The following CLASP2 variants were observed in gnomAD, a reference collection of about 807,000 sequenced individuals.
The protein encoded by CLASP2 is cytoplasmic linker associated protein 2.
Under a neutral mutation model 194.4 loss-of-function variants are expected in CLASP2, and 47 were observed. The ratio of observed to expected loss-of-function variants is 0.24; its 90% CI spans 0.19 to 0.31. The LOEUF is 0.31. Among genes scored for constraint, CLASP2 ranks in the 10% least tolerant of loss-of-function variants. The pLI is 1.00. For missense variants in CLASP2, 1,445 were observed against 1,823.6 expected (o/e 0.79, Z 3.78); for synonymous variants, 619 against 633.5 (o/e 0.98, Z 0.34).
chr3:33,713,012 C>CAGAAAAAAAAA (rs1559717375), intron 1 of CLASP2, among the ~76,000 whole-genome samples: 16 of 47,006 alleles, frequency 3.4e-4, no homozygotes, highest in Admixed American at 9.2e-4. Context: ...AACTCCACCT[C>CAGAAAAAAAAA]AAAAAAAAAA....
At chr3:33,555,761 T>A (rs1466168748) in intron 29 of CLASP2, among the ~76,000 whole-genome samples, 1 of 152,196 alleles carries the variant, frequency 6.6e-6, no homozygotes. Flanking sequence ...ATCAATGTAT[T>A]TTGTTTATAA....
intron 6 of CLASP2, among the ~76,000 whole-genome samples, chr3:33,676,502 GGA>G (rs1318510118): frequency 6.6e-6 from 1 of 150,648 alleles, no homozygotes; most frequent in Non-Finnish European, 1.5e-5. Flanking sequence ...CTAGCCATAT[GGA>G]GAAAGCTGAA....
intron 19 of CLASP2, 149 bp from the exon 20 acceptor site, chr3:33,595,117 G>A (rs2069900569): frequency 2.4e-6 from 1 of 418,766 alleles, no homozygotes; most frequent in South Asian, 1.1e-4. Flanking sequence ...ACTGCGGGAA[G>A]GTTCATTTTG....
intron 26 of CLASP2, among the ~76,000 whole-genome samples, chr3:33,569,473 C>T (rs978403190): frequency 2.6e-5 from 4 of 152,132 alleles, no homozygotes; most frequent in Admixed American, 2.0e-4. Flanking sequence ...AAATAACTGT[C>T]TTGTCCTTTG....
intron 29 of CLASP2, among the ~76,000 whole-genome samples, chr3:33,553,376 C>T (rs1020357009): frequency 6.6e-6 from 1 of 151,992 alleles, no homozygotes; most frequent in Non-Finnish European, 1.5e-5. Flanking sequence ...AAAGCTTCTG[C>T]ATAGCAAAGG....
At chr3:33,670,545 C>A (rs541507384) in intron 6 of CLASP2, among the ~76,000 whole-genome samples, 34 of 152,286 alleles carry the variant, frequency 2.2e-4, no homozygotes, top group Middle Eastern at 3.4e-3. Flanking sequence ...ACAAAATCAA[C>A]AACTCTTCTT....
chr3:33,584,136 C>T (rs1033575357), intron 22 of CLASP2, among the ~76,000 whole-genome samples: 21 of 151,984 alleles, frequency 1.4e-4, no homozygotes, highest in Admixed American at 1.2e-3. Context: ...AACTATAACA[C>T]GAATGTCAAA....
At chr3:33,678,628 G>C (rs986586796) in intron 6 of CLASP2, among the ~76,000 whole-genome samples, 4 of 152,128 alleles carry the variant, frequency 2.6e-5, no homozygotes, top group Non-Finnish European at 5.9e-5. Flanking sequence ...AGTAGTGCAA[G>C]AAATGTTAAA....
chr3:33,646,069 T>C lies in CLASP2; in HGVS notation c.716-1166A>G, dbSNP rs549361493. Among the ~76,000 whole-genome samples, 5 of 152,136 alleles carry C rather than the reference T, an allele frequency of 3.3e-5. No individual in the cohort carries two copies. In the South Asian group the frequency reaches 1.0e-3, roughly 32 times the overall value. On this transcript the variant is annotated intron_variant, in intron 7 of 38. Coordinates refer to ENST00000682230, the MANE Select transcript of CLASP2 (RefSeq NM_001365631.1). ...AACATGGGCGAGGCAGAGAAGCAGCTTTACCACACGCTTCAGATGAATATG... is the reference window on the plus strand; with the variant it reads ...AACATGGGCGAGGCAGAGAAGCAGCCTTACCACACGCTTCAGATGAATATG...
At chr3:33,694,654 T>C (rs1303844499) in intron 2 of CLASP2, among the ~76,000 whole-genome samples, 2 of 152,192 alleles carry the variant, frequency 1.3e-5, no homozygotes, top group Admixed American at 1.3e-4. Context: ...GATCATCACC[T>C]AGACACAGGA....
chr3:33,629,766 A>G (rs1405764205), intron 9 of CLASP2, among the ~76,000 whole-genome samples: 1 of 151,838 alleles, frequency 6.6e-6, no homozygotes, highest in Non-Finnish European at 1.5e-5. Context: ...TGAGTATTAA[A>G]AAAAAATCAT....
rs1386997420 is a variant in CLASP2 at position 33,612,012 on chromosome 3, A to T, written c.1377T>A (p.Val459=). ...LITSNCTSKS[V]PVRRRSFEFL... ...AAAATTAAACTTACCTCCTCACGGG[A>T]ACTGATTTTGATGTGCAATTGCTTG... Residue 459 remains valine, a synonymous_variant, in exon 13 of 39, where the codon GTT becomes GTA. Coordinates refer to ENST00000682230, the MANE Select transcript of CLASP2 (RefSeq NM_001365631.1). 20 of 1,607,508 alleles carry T rather than the reference A, an allele frequency of 1.2e-5. No individual in the cohort carries two copies. Among genetic ancestry groups the T allele is most frequent in the Non-Finnish European group, 1.6e-5 (19 of 1,175,494 alleles).
intron 26 of CLASP2, 55 bp downstream of exon 26, chr3:33,570,672 A>G (rs756676346): frequency 1.3e-6 from 2 of 1,566,220 alleles, no homozygotes; most frequent in Non-Finnish European, 1.7e-6. Context: ...TTCTGCTTTG[A>G]CAATATACAA....
chr3:33,612,180 G>T, intron 12 of CLASP2, 109 bp from the exon 13 acceptor site: 1 of 665,100 alleles, frequency 1.5e-6, no homozygotes, highest in Non-Finnish European at 2.6e-6. Flanking sequence ...AGGACAAAAA[G>T]ACCAGATATT....
intron 31 of CLASP2, among the ~76,000 whole-genome samples, chr3:33,544,440 C>A (rs533037181): frequency 6.6e-6 from 1 of 152,106 alleles, no homozygotes; most frequent in African/African-American, 2.4e-5. Flanking sequence ...GTTTTGCTCA[C>A]GTTTTGCTTT....
chr3:33,712,002 C>T (rs1306229180), intron 1 of CLASP2, among the ~76,000 whole-genome samples: 2 of 152,158 alleles, frequency 1.3e-5, no homozygotes, highest in African/African-American at 4.8e-5. Flanking sequence ...ATCCAGCAAT[C>T]CCACTACTGG....
intron 7 of CLASP2, among the ~76,000 whole-genome samples, chr3:33,650,134 T>C (rs943950839): frequency 3.9e-5 from 6 of 152,132 alleles, no homozygotes; most frequent in African/African-American, 1.2e-4. Context: ...ACTTTGGGAA[T>C]TGAAAAATTA....
rs201755881 is a variant in CLASP2 at position 33,708,442 on chromosome 3, T to TTG, written c.195+9364_195+9365dup. 5.7e-3 allele frequency among the ~76,000 whole-genome samples: 849 copies of TTG among 148,996 alleles called. 9 individuals are homozygous for TTG. The highest frequency in any genetic ancestry group is 0.02 in the African/African-American group (799 of 40,768). On this transcript the variant is annotated intron_variant, in intron 1 of 38. Transcript: ENST00000682230. ...TTTTTTAAGGCTGAATAATATTCCT[T>TTG]TGTGTGTGTGTCATGTGTTGTGTGT...
At chr3:33,501,143 CTTTTA>C (rs1231743417) in intron 38 of CLASP2, among the ~76,000 whole-genome samples, 1 of 152,074 alleles carries the variant, frequency 6.6e-6, no homozygotes, top group African/African-American at 2.4e-5. Flanking sequence ...AATTAGAAAA[CTTTTA>C]TTTTAACACA....
Sources: gnomAD v4.1 joint callset for allele counts (sites outside exome capture counted in the v4.1 genomes callset) on GRCh38, gnomAD v4.1.1 for gene constraint, MANE v1.5 for transcripts, NCBI Gene and HGNC (gene_info 2026-07-23, HGNC 2026-07-21) for gene names.